POLR3A: variants seen among roughly 807,000 people sequenced by gnomAD.
POLR3A encodes the protein RNA polymerase III subunit A, also known as DNA-directed RNA polymerase III subunit RPC1.
A neutral mutation model predicts 152.8 loss-of-function variants in POLR3A; 112 were observed. That is an observed-to-expected ratio of 0.73 (90% CI 0.63 to 0.86). The LOEUF (loss-of-function observed/expected upper bound fraction) is 0.86, where lower values mean the gene tolerates loss of function less well. Among genes scored for constraint, POLR3A ranks in the 40% least tolerant of loss-of-function variants. The probability of loss-of-function intolerance (pLI) is 0.00; values close to 1 mark genes in which losing one functional copy is unlikely to be tolerated. For missense variants in POLR3A, 1,385 were observed against 1,743.1 expected, an observed-to-expected ratio of 0.79 and a Z score of 3.66; for synonymous variants, 615 against 652.1, an observed-to-expected ratio of 0.94 and a Z score of 0.87.
At chr10:78,019,783 T>A (rs1404371400) in intron 8 of POLR3A, 3 of 168,510 alleles carry the variant, frequency 1.8e-5, no homozygotes, top group Admixed American at 1.7e-4. Flanking sequence ...ACCAGGAACA[T>A]CTATGATCTG....
chr10:78,024,489 G>T (rs1048728838), intron 5 of POLR3A, 60 bp downstream of exon 5: 72 of 1,570,746 alleles, frequency 4.6e-5, no homozygotes, highest in Non-Finnish European at 6.1e-5. Context: ...GTGTGCATGT[G>T]ACGTGCGGAA....
chr10:78,023,571 G>A (rs997005625), intron 5 of POLR3A, among the ~76,000 whole-genome samples: 3 of 152,014 alleles, frequency 2.0e-5, no homozygotes, highest in Admixed American at 6.6e-5. Flanking sequence ...CTTGAACCCA[G>A]GAGTTCAAAG....
At position 77,975,452 on chromosome 10, in the gene POLR3A, C is replaced by A. The variant is rs1046274160; in HGVS notation, c.*2026G>T. 1 of 152,232 alleles carries A rather than the reference C, an allele frequency of 6.6e-6. No homozygotes were observed. The highest frequency in any genetic ancestry group is 1.9e-4 in the East Asian group (1 of 5,198). The allele number at this position is 152,232 out of a possible 1,614,324, so 9.4% of individuals were successfully genotyped here. ...CACCTCCAGGACGTATGACTTCCCCCCCTACCCATGGGTGATGTGATCCTT... is the reference window on the plus strand; with the variant it reads ...CACCTCCAGGACGTATGACTTCCCCACCTACCCATGGGTGATGTGATCCTT... On this transcript the variant is annotated 3_prime_UTR_variant, in exon 31 of 31. Transcript: ENST00000372371.
At chr10:77,998,872 T>C (rs1407902567) in intron 19 of POLR3A, among the ~76,000 whole-genome samples, 2 of 152,198 alleles carry the variant, frequency 1.3e-5, no homozygotes, top group Admixed American at 6.5e-5. Flanking sequence ...AGCGGCACTA[T>C]TCACAATAGC....
At chr10:78,025,239 C>T (rs1847621248) in intron 3 of POLR3A, 97 bp from the exon 4 acceptor site, 8 of 1,289,198 alleles carry the variant, frequency 6.2e-6, no homozygotes, top group African/African-American at 2.9e-5. Flanking sequence ...CCCTTAACCA[C>T]GTGACCATAT....
At chr10:78,008,204 A>G (rs1847429735) in intron 14 of POLR3A, among the ~76,000 whole-genome samples, 1 of 152,210 alleles carries the variant, frequency 6.6e-6, no homozygotes, top group Non-Finnish European at 1.5e-5. Context: ...GAAATAACAT[A>G]CAGTGAAGTG....
intron 5 of POLR3A, 98 bp from the exon 6 acceptor site, chr10:78,022,482 C>T: frequency 7.9e-7 from 1 of 1,264,354 alleles, no homozygotes; most frequent in Middle Eastern, 2.0e-4. Flanking sequence ...CTATCTGTCA[C>T]TAAGGATAAG....
chr10:78,022,160 G>A lies in POLR3A; in HGVS notation c.870C>T (p.Asn290=), dbSNP rs536109385. ...AGGCACTGACCTTTTTAATAACATC[G>A]TTTAGGAAAATGATTTCTGTCAGTT... ...TMKLTEIIFL[N]DVIKKHRISG... Residue 290 remains asparagine, a synonymous_variant, in exon 6 of 31, where the codon AAC becomes AAT. Coordinates refer to ENST00000372371, the MANE Select transcript of POLR3A (RefSeq NM_007055.4). 28 of 1,614,108 alleles carry A rather than the reference G, an allele frequency of 1.7e-5. No homozygotes were observed. Among genetic ancestry groups the A allele is most frequent in the Admixed American group, 6.7e-5 (4 of 60,022 alleles).
chr10:78,000,185 C>T lies in POLR3A; in HGVS notation c.2479-67G>A, dbSNP rs1847343283. ...TCAAGGCCCACGATTCTGAAATCCACTCAAATCAGAAAATGCCCCACCTTG... is the reference window on the plus strand; with the variant it reads ...TCAAGGCCCACGATTCTGAAATCCATTCAAATCAGAAAATGCCCCACCTTG... On this transcript the variant is annotated intron_variant, in intron 18 of 30. Coordinates refer to ENST00000372371, the MANE Select transcript of POLR3A (RefSeq NM_007055.4). 3 of 1,450,666 alleles carry T rather than the reference C, an allele frequency of 2.1e-6. No individual in the cohort carries two copies. The South Asian group carries it at 3.5e-5, about 17-fold the overall frequency. The allele number at this position is 1,450,666 out of a possible 1,614,324, so 89.9% of individuals were successfully genotyped here.
chr10:77,978,964 C>T (rs994942222), intron 30 of POLR3A, among the ~76,000 whole-genome samples: 10 of 151,980 alleles, frequency 6.6e-5, no homozygotes, highest in African/African-American at 2.4e-4. Context: ...GCCCGGCCCA[C>T]GCTTGTTTTT....
In POLR3A at chr10:77,984,287, A is replaced by G. The variant is rs571693841; in HGVS notation, c.3254T>C (p.Ile1085Thr). The G allele has an allele frequency of 4.3e-6, 7 of 1,609,878 alleles. No homozygotes were observed. The East Asian group carries it at 8.9e-5, about 21-fold the overall frequency. ...NASKAISTPI[I>T]TAQLDKDDDA... The stretch of plus-strand genomic sequence containing the variant: ...GTCATCCTTGTCTAGCTGTGCTGTG[A>G]TAATTGGAGTGCTGTTGAGAAGCAA... The change falls in exon 25 of 31, where the codon ATC (isoleucine) becomes ACC (threonine). Residue 1085 changes from isoleucine (I) to threonine (T), a missense_variant. Ile to Thr is a moderately conservative substitution (Grantham distance 89). This residue lies in a region of POLR3A where 332 missense variants were observed against 400.1 expected (regional missense o/e 0.83). Transcript: ENST00000372371.
intron 30 of POLR3A, 118 bp from the exon 31 acceptor site, chr10:77,977,744 A>G (rs1426294873): frequency 3.5e-6 from 3 of 849,618 alleles, no homozygotes; most frequent in Non-Finnish European, 6.0e-6. Flanking sequence ...GCCACTCCAC[A>G]TCAACTGAAC....
Position 78,017,597 on chromosome 10 carries a change from T to C in POLR3A, c.1409A>G (p.Lys470Arg), listed in dbSNP as rs1847537055. ...VLFNRQPSLH[K>R]LSIMAHLARV... The stretch of plus-strand genomic sequence containing the variant: ...CACCAGATGAGCCATAATGCTCAAT[T>C]TGTGCAGCGAGGGCTGCCGATTGAA... Residue 470 changes from lysine to arginine, a missense_variant, in exon 10 of 31, where the codon AAA (lysine) becomes AGA (arginine). Physicochemically the swap from Lys to Arg is conservative, Grantham distance 26. This residue lies in a region of POLR3A where 493 missense variants were observed against 647.5 expected (regional missense o/e 0.76). Transcript: ENST00000372371. The C allele has an allele frequency of 1.2e-6, 2 of 1,614,216 alleles. No individual in the cohort carries two copies. The highest frequency in any genetic ancestry group is 1.7e-6 in the Non-Finnish European group (2 of 1,180,020).
chr10:77,994,042 C>T (rs1424170626), intron 19 of POLR3A, among the ~76,000 whole-genome samples: 1 of 152,202 alleles, frequency 6.6e-6, no homozygotes, highest in Non-Finnish European at 1.5e-5. Context: ...CAAAGTCATA[C>T]TCTCTAATTC....
intron 16 of POLR3A, 84 bp downstream of exon 16, chr10:78,004,632 C>T (rs1847392570): frequency 4.4e-6 from 5 of 1,130,834 alleles, no homozygotes; most frequent in Middle Eastern, 2.8e-4. Context: ...TACCTCTATT[C>T]ATGGCTCAGC....
In POLR3A at chr10:77,975,325, A is replaced by T. The variant is rs145516401; in HGVS notation, c.*2153T>A. On this transcript the variant is annotated 3_prime_UTR_variant, in exon 31 of 31. Transcript: ENST00000372371. ...TCAAAGTAGGGAGAATTTTAACACC[A>T]GTCATGGGACACAGTGGGGAGCACA... is the stretch of plus-strand genomic sequence containing the variant. 1 of 152,382 alleles carries T rather than the reference A, an allele frequency of 6.6e-6. No individual in the cohort carries two copies. The highest frequency in any genetic ancestry group is 2.4e-5 in the African/African-American group (1 of 41,582). 9.4% of individuals were successfully genotyped at this position (152,382 alleles called of 1,614,324 possible). A position where few individuals can be genotyped will look rare whatever the true frequency, so the allele number is the denominator to read the frequency against.
At chr10:78,004,189 G>A (rs1222768945) in intron 16 of POLR3A, among the ~76,000 whole-genome samples, 2 of 152,008 alleles carry the variant, frequency 1.3e-5, no homozygotes, top group African/African-American at 2.4e-5. Context: ...AGCCAAGATC[G>A]TACCACTGCA....
At chr10:77,992,906 G>A (rs1847263343) in intron 20 of POLR3A, among the ~76,000 whole-genome samples, 1 of 148,212 alleles carries the variant, frequency 6.7e-6, no homozygotes. Flanking sequence ...TATAGAGACG[G>A]GGTCTCACTT....
At chr10:77,992,417 T>A (rs1222821743) in intron 20 of POLR3A, among the ~76,000 whole-genome samples, 3 of 150,180 alleles carry the variant, frequency 2.0e-5, no homozygotes, top group Non-Finnish European at 3.0e-5. Context: ...TTTAGGAGCA[T>A]GCCATCATCC....
Sources: gnomAD v4.1 joint callset for allele counts (sites outside exome capture counted in the v4.1 genomes callset) on GRCh38, gnomAD v4.1.1 for gene constraint, gnomAD v4.1.1 regional missense constraint, MANE v1.5 for transcripts, NCBI Gene and HGNC (gene_info 2026-07-23, HGNC 2026-07-21) for gene names.